Variants in SV2B observed in about 807,000 individuals in gnomAD.
SV2B encodes synaptic vesicle glycoprotein 2B.
A neutral mutation model predicts 73.9 loss-of-function variants in SV2B; 41 were observed. The ratio of observed to expected loss-of-function variants is 0.56; its 90% CI spans 0.43 to 0.72. SV2B has a LOEUF of 0.72. Among genes scored for constraint, SV2B ranks in the 30% least tolerant of loss-of-function variants. SV2B has a pLI of 0.00. For synonymous variants in SV2B, 314 were observed against 314.2 expected, an observed-to-expected ratio of 1.00 and a Z score of 0.01; for missense variants, 764 against 857.8, an observed-to-expected ratio of 0.89 and a Z score of 1.37.
At chr15:91,287,641 T>G (rs2048904850) in intron 11 of SV2B, among the ~76,000 whole-genome samples, 1 of 152,074 alleles carries the variant, frequency 6.6e-6, no homozygotes, top group Non-Finnish European at 1.5e-5. Context: ...CACCCCAGAG[T>G]TCTGAGCTGG....
chr15:91,238,255 C>G (rs1160591842), intron 2 of SV2B, among the ~76,000 whole-genome samples: 1 of 152,184 alleles, frequency 6.6e-6, no homozygotes, highest in African/African-American at 2.4e-5. Context: ...CTGATAAGCT[C>G]TTTCTTTGCA....
At chr15:91,175,260 CTT>C (rs1182322611) in intron 1 of SV2B, among the ~76,000 whole-genome samples, 2 of 145,096 alleles carry the variant, frequency 1.4e-5, no homozygotes, top group Admixed American at 6.9e-5. Context: ...TTTCTTTTTT[CTT>C]TTTTTTTTTT....
chr15:91,262,225 G>A (rs1191545377), intron 6 of SV2B, among the ~76,000 whole-genome samples: 1 of 152,066 alleles, frequency 6.6e-6, no homozygotes, highest in Non-Finnish European at 1.5e-5. Flanking sequence ...TATATATGTG[G>A]CTATTGTAAG....
chr15:91,114,912 G>A (rs1389638082), intron 1 of SV2B, among the ~76,000 whole-genome samples: 3 of 152,208 alleles, frequency 2.0e-5, no homozygotes, highest in East Asian at 1.9e-4. Context: ...CCCAGGGTCT[G>A]AGTCCTCCAG....
intron 2 of SV2B, among the ~76,000 whole-genome samples, chr15:91,250,697 A>C (rs1322598843): frequency 6.6e-6 from 1 of 152,202 alleles, no homozygotes; most frequent in Non-Finnish European, 1.5e-5. Context: ...AAAATCTAGG[A>C]AACAATCTCA....
rs933871355 is a variant in SV2B, at chr15:91,290,684, CAAATG to C, written c.1868+1007_1868+1011del. The stretch of plus-strand genomic sequence containing the variant: ...GGATCAACTTGACAAGTGAAACACT[CAAATG>C]AAGAAAACCATAAAGCTTTACTAAG... On this transcript the variant is annotated intron_variant, in intron 12 of 12. Coordinates refer to ENST00000394232, the MANE Select transcript of SV2B (RefSeq NM_001323032.3). The surrounding 1 kb of genome is among the most constrained non-coding windows in gnomAD (Gnocchi z 4.7). 2.6e-5 allele frequency among the ~76,000 whole-genome samples: 4 copies of C among 151,952 alleles called. No homozygotes were observed. The highest frequency in any genetic ancestry group is 9.7e-5 in the African/African-American group (4 of 41,348).
intron 9 of SV2B, among the ~76,000 whole-genome samples, chr15:91,272,726 G>GCA (rs373613153): frequency 4.0e-5 from 6 of 150,994 alleles, no homozygotes; most frequent in Admixed American, 2.0e-4. Context: ...GAGGAAGAAA[G>GCA]CACACACACA....
At position 91,223,670 on chromosome 15, in the gene SV2B, T is replaced by C. The variant is rs951729907; in HGVS notation, c.-391-2203T>C. ...TCTCCTGCTGTTTACATGTGACTTA[T>C]ATTCCGCCGGTGGTCCCTAAATAGA... On this transcript the variant is annotated intron_variant, in intron 1 of 12. Transcript: ENST00000394232. The surrounding 1 kb of genome is among the most constrained non-coding windows in gnomAD (Gnocchi z 4.6). Among the ~76,000 whole-genome samples, 6 of 152,238 alleles carry C rather than the reference T, an allele frequency of 3.9e-5. No homozygotes were observed. The highest frequency in any genetic ancestry group is 1.4e-4 in the African/African-American group (6 of 41,464).
At chr15:91,156,325 G>A (rs2043489191) in intron 1 of SV2B, among the ~76,000 whole-genome samples, 1 of 152,172 alleles carries the variant, frequency 6.6e-6, no homozygotes, top group Non-Finnish European at 1.5e-5. Context: ...CTGAGAGATG[G>A]GTTCTCTTGT....
intron 11 of SV2B, among the ~76,000 whole-genome samples, chr15:91,285,649 CTGTT>C (rs1484355813): frequency 1.3e-5 from 2 of 152,228 alleles, no homozygotes; most frequent in African/African-American, 4.8e-5. Flanking sequence ...AATAATACCT[CTGTT>C]TGCCTCAGTG....
At chr15:91,218,275 C>T (rs1184002802) in intron 1 of SV2B, among the ~76,000 whole-genome samples, 1 of 152,300 alleles carries the variant, frequency 6.6e-6, no homozygotes, top group East Asian at 1.9e-4. Context: ...TCAGTTTCAT[C>T]TCTGTGTCCC....
In SV2B at chr15:91,297,882, G is replaced by A. The variant is rs2049306748; in HGVS notation, c.*5330G>A. ...TGGTTGCAGGGCTTGAAGTATTTCG[G>A]AAGCTCAGCAGAGGTTGAACCCTTT... is the stretch of plus-strand genomic sequence containing the variant. On this transcript the variant is annotated 3_prime_UTR_variant, in exon 13 of 13. Coordinates refer to ENST00000394232, the MANE Select transcript of SV2B (RefSeq NM_001323032.3). This position sits in a 1 kb window ranked among gnomAD's most constrained non-coding sequence, Gnocchi z 5.1. 6.6e-6 allele frequency: 1 copy of A among 152,240 alleles called. No individual in the cohort carries two copies. The highest frequency in any genetic ancestry group is 2.4e-5 in the African/African-American group (1 of 41,446). 9.4% of individuals were successfully genotyped at this position (152,240 alleles called of 1,614,324 possible). A position where few individuals can be genotyped will look rare whatever the true frequency, so the allele number is the denominator to read the frequency against.
At chr15:91,215,728 A>C (rs1170810583) in intron 1 of SV2B, among the ~76,000 whole-genome samples, 4 of 152,162 alleles carry the variant, frequency 2.6e-5, no homozygotes, top group African/African-American at 9.7e-5. Flanking sequence ...TATTCCCATA[A>C]GATTTAGCTG....
At position 91,181,134 on chromosome 15, in the gene SV2B, C is replaced by T. The variant is rs1416093601; in HGVS notation, c.-391-44739C>T. On this transcript the variant is annotated intron_variant, in intron 1 of 12. Coordinates refer to ENST00000394232, the MANE Select transcript of SV2B (RefSeq NM_001323032.3). ...ACAGACAGGACCCTCAGCTGCAGGTCTGTTGGAGTTTGCCAGAGGTCCACT... is the reference window on the plus strand; with the variant it reads ...ACAGACAGGACCCTCAGCTGCAGGTTTGTTGGAGTTTGCCAGAGGTCCACT... Among the ~76,000 whole-genome samples, 4 of 152,190 alleles carry T rather than the reference C, an allele frequency of 2.6e-5. No homozygotes were observed. The East Asian group carries it at 7.7e-4, about 29-fold the overall frequency.
In SV2B at chr15:91,294,484, C is replaced by T. The variant is rs146784080; in HGVS notation, c.*1932C>T. 194 of 146,822 alleles carry T rather than the reference C, an allele frequency of 1.3e-3. No individual in the cohort carries two copies. Among genetic ancestry groups the T allele is most frequent in the Middle Eastern group, 0.01 (3 of 292 alleles). 9.1% of individuals were successfully genotyped at this position (146,822 alleles called of 1,614,324 possible). On this transcript the variant is annotated 3_prime_UTR_variant, in exon 13 of 13. Coordinates refer to ENST00000394232, the MANE Select transcript of SV2B (RefSeq NM_001323032.3). This position sits in a 1 kb window ranked among gnomAD's most constrained non-coding sequence, Gnocchi z 4.1. ...TATACCACTGTGTATTAATCTTTCT[C>T]TCAGTGTTTTATAGGAGTACTAACA...
rs117239529 is a variant in SV2B at position 91,241,298 on chromosome 15, T to C, written c.452-10521T>C. 9.2e-3 allele frequency among the ~76,000 whole-genome samples: 1,400 copies of C among 152,328 alleles called. 11 individuals are homozygous for C. The highest frequency in any genetic ancestry group is 0.02 in the Middle Eastern group (6 of 294). ...CAGCTTCCTTGCACCTCTCTTACTCTGCTGTGTTCCCCACCCCTGGTTGCA... is the reference window on the plus strand; with the variant it reads ...CAGCTTCCTTGCACCTCTCTTACTCCGCTGTGTTCCCCACCCCTGGTTGCA... On this transcript the variant is annotated intron_variant, in intron 2 of 12. Coordinates refer to ENST00000394232, the MANE Select transcript of SV2B (RefSeq NM_001323032.3). This position sits in a 1 kb window ranked among gnomAD's most constrained non-coding sequence, Gnocchi z 4.8.
In SV2B at chr15:91,253,583, G is replaced by A. The variant is rs114838991; in HGVS notation, c.784+1063G>A. Among the ~76,000 whole-genome samples, 485 of 152,296 alleles carry A rather than the reference G, an allele frequency of 3.2e-3. 3 individuals are homozygous for A. The highest frequency in any genetic ancestry group is 0.011 in the African/African-American group (460 of 41,560). ...AAAGCTTCTCCCTTATGTGAGGTCC[G>A]GCTGGCATTTCTAATCTGCAGGTGG... On this transcript the variant is annotated intron_variant, in intron 4 of 12. Coordinates refer to ENST00000394232, the MANE Select transcript of SV2B (RefSeq NM_001323032.3). This position sits in a 1 kb window ranked among gnomAD's most constrained non-coding sequence, Gnocchi z 5.0.
At position 91,281,695 on chromosome 15, in the gene SV2B, A is replaced by G. The variant is rs374194198; in HGVS notation, c.1374-33A>G. ...GGTCTTAAGTCTCTTTTTTTCTCAG[A>G]TGAATCACTCAAGGGTCAACCTCTT... On this transcript the variant is annotated intron_variant, in intron 9 of 12. Transcript: ENST00000394232. This position sits in a 1 kb window ranked among gnomAD's most constrained non-coding sequence, Gnocchi z 4.7. 6 of 1,528,020 alleles carry G rather than the reference A, an allele frequency of 3.9e-6. No homozygotes were observed. The African/African-American group carries it at 5.7e-5, about 14-fold the overall frequency. The allele number at this position is 1,528,020 out of a possible 1,614,324, so 94.7% of individuals were successfully genotyped here.
At chr15:91,282,541 A>G (rs909559538) in intron 10 of SV2B, among the ~76,000 whole-genome samples, 1 of 151,446 alleles carries the variant, frequency 6.6e-6, no homozygotes, top group Admixed American at 6.6e-5. Context: ...GAAATGTACT[A>G]TTTTTTTTTA....
Sources: gnomAD v4.1 joint callset for allele counts (sites outside exome capture counted in the v4.1 genomes callset) on GRCh38, gnomAD v4.1.1 for gene constraint, Gnocchi (gnomAD v3.1) non-coding constraint, MANE v1.5 for transcripts, NCBI Gene and HGNC (gene_info 2026-07-23, HGNC 2026-07-21) for gene names.